Variants in AGBL1 observed in about 807,000 individuals in gnomAD.
The protein encoded by AGBL1 is AGBL carboxypeptidase 1.
Under a neutral mutation model 118.9 loss-of-function variants are expected in AGBL1, and 130 were observed. The ratio of observed to expected loss-of-function variants is 1.09; its 90% CI spans 0.95 to 1.26. The LOEUF (loss-of-function observed/expected upper bound fraction) is 1.26, where lower values mean the gene tolerates loss of function less well. Among genes scored for constraint, AGBL1 ranks in the 50% most tolerant of loss-of-function variants. The probability of loss-of-function intolerance (pLI) is 0.00; values close to 1 mark genes in which losing one functional copy is unlikely to be tolerated. For missense variants in AGBL1, 1,584 were observed against 1,298.1 expected, an observed-to-expected ratio of 1.22 and a Z score of -3.38; for synonymous variants, 555 against 478.9, an observed-to-expected ratio of 1.16 and a Z score of -2.08.
intron 1 of AGBL1, among the ~76,000 whole-genome samples, chr15:86,113,451 C>G (rs186012570): frequency 6.6e-6 from 1 of 151,680 alleles, no homozygotes; most frequent in African/African-American, 2.4e-5. Context: ...CCATGCCCGG[C>G]TCTTTTGTAT....
rs755715178 is a variant in AGBL1 at position 86,912,072 on chromosome 15, T to C, written c.*4778T>C. ...CAAACTCAGACATCCAATGTTTCAA[T>C]GAAATCTCACTTATTTTCCTTAAAT... is the stretch of plus-strand genomic sequence containing the variant. On this transcript the variant is annotated 3_prime_UTR_variant, in exon 23 of 23. Transcript: ENST00000614907. 1.3e-5 allele frequency: 2 copies of C among 152,194 alleles called. No homozygotes were observed. Among genetic ancestry groups the C allele is most frequent in the Non-Finnish European group, 2.9e-5 (2 of 68,040 alleles). 9.4% of individuals were successfully genotyped at this position (152,194 alleles called of 1,614,324 possible). A position where few individuals can be genotyped will look rare whatever the true frequency, so the allele number is the denominator to read the frequency against.
chr15:86,434,088 G>C (rs773411961), intron 18 of AGBL1, among the ~76,000 whole-genome samples: 3 of 152,136 alleles, frequency 2.0e-5, no homozygotes, highest in African/African-American at 7.2e-5. Flanking sequence ...TGAAATATTC[G>C]ATCATTCACT....
chr15:86,225,031 T>A, intron 6 of AGBL1, 80 bp downstream of exon 6: 1 of 1,381,148 alleles, frequency 7.2e-7, no homozygotes, highest in Admixed American at 2.3e-5. Context: ...CCATGGCTGT[T>A]TCTTTTTTTT....
At chr15:86,611,094 ACTTGTAT>A (rs1402779325) in intron 21 of AGBL1, among the ~76,000 whole-genome samples, 4 of 152,206 alleles carry the variant, frequency 2.6e-5, no homozygotes, top group African/African-American at 9.7e-5. Context: ...ATTGAACAGG[ACTTGTAT>A]CTTGTATCTG....
chr15:86,659,558 C>A (rs1251738272), intron 21 of AGBL1, among the ~76,000 whole-genome samples: 3 of 152,142 alleles, frequency 2.0e-5, no homozygotes, highest in Admixed American at 1.3e-4. Context: ...TGCTACCCGC[C>A]ACGGCGTCTT....
intron 18 of AGBL1, among the ~76,000 whole-genome samples, chr15:86,483,552 T>TG (rs1318584861): frequency 6.6e-6 from 1 of 152,062 alleles, no homozygotes; most frequent in Non-Finnish European, 1.5e-5. Context: ...ACCAAGAGGG[T>TG]GTCCCTTCAG....
chr15:86,981,792 A>G (rs1452565115), intron 23 of AGBL1, among the ~76,000 whole-genome samples: 1 of 152,178 alleles, frequency 6.6e-6, no homozygotes. Context: ...GGGACAAAAC[A>G]GGAAAACAGG....
Position 86,986,868 on chromosome 15 carries a change from T to A in AGBL1, c.3222-1119T>A, listed in dbSNP as rs377225764. Reference sequence around the variant, plus strand: ...TGTGAGCAAGGCTGTTTATTTCACCTGGGTTCAGGCGGGCTGAGTCTGAAA... The same window carrying A: ...TGTGAGCAAGGCTGTTTATTTCACCAGGGTTCAGGCGGGCTGAGTCTGAAA... On this transcript the variant is annotated intron_variant, in intron 23 of 24. Coordinates refer to the AGBL1 transcript ENST00000441037. Among the ~76,000 whole-genome samples the A allele has an allele frequency of 5.9e-5, 9 of 152,208 alleles. No individual in the cohort carries two copies. The East Asian group carries it at 1.7e-3, about 29-fold the overall frequency.
At chr15:86,789,963 T>A (rs564190932) in intron 22 of AGBL1, among the ~76,000 whole-genome samples, 2 of 152,292 alleles carry the variant, frequency 1.3e-5, no homozygotes, top group Non-Finnish European at 1.5e-5. Flanking sequence ...ATATACACTG[T>A]CATCCTTGAT....
chr15:86,194,232 C>A (rs2077765139), intron 5 of AGBL1, among the ~76,000 whole-genome samples: 1 of 152,174 alleles, frequency 6.6e-6, no homozygotes, highest in African/African-American at 2.4e-5. Context: ...TTTTCAAAAA[C>A]CTCTCTCCTC....
chr15:86,894,039 C>A (rs1236726674), intron 22 of AGBL1, among the ~76,000 whole-genome samples: 1 of 152,102 alleles, frequency 6.6e-6, no homozygotes, highest in Admixed American at 6.6e-5. Context: ...TTATATTTTG[C>A]CCCTACACCA....
chr15:86,662,452 T>TCCAA (rs2085561803), intron 21 of AGBL1, among the ~76,000 whole-genome samples: 1 of 152,236 alleles, frequency 6.6e-6, no homozygotes, highest in African/African-American at 2.4e-5. Flanking sequence ...GGACAGAAAG[T>TCCAA]TGGGATTTAG....
chr15:86,132,106 G>A (rs956376768), intron 1 of AGBL1, among the ~76,000 whole-genome samples: 1 of 152,180 alleles, frequency 6.6e-6, no homozygotes, highest in Non-Finnish European at 1.5e-5. Flanking sequence ...GAGTACCCGA[G>A]TAGCGGAGTA....
intron 17 of AGBL1, among the ~76,000 whole-genome samples, chr15:86,369,977 T>A (rs2080948182): frequency 6.6e-6 from 1 of 152,116 alleles, no homozygotes; most frequent in Non-Finnish European, 1.5e-5. Flanking sequence ...ATATTCCGGG[T>A]CACAGAAGAA....
At chr15:86,271,043 A>AGTTTTT (rs1400470527) in intron 14 of AGBL1, among the ~76,000 whole-genome samples, 1 of 89,062 alleles carries the variant, frequency 1.1e-5, no homozygotes, top group Non-Finnish European at 2.0e-5. Context: ...GTCACGTTGC[A>AGTTTTT]TTTTTTTTTT....
At chr15:86,878,525 C>G (rs761214281) in intron 22 of AGBL1, among the ~76,000 whole-genome samples, 2 of 152,154 alleles carry the variant, frequency 1.3e-5, no homozygotes, top group Non-Finnish European at 2.9e-5. Context: ...CTCGGTACTT[C>G]TATTTTCCTC....
chr15:86,423,720 C>G (rs1191343316), intron 18 of AGBL1, among the ~76,000 whole-genome samples: 2 of 152,136 alleles, frequency 1.3e-5, no homozygotes, highest in Non-Finnish European at 2.9e-5. Flanking sequence ...GTGAAAATCA[C>G]AAACATTCCT....
At chr15:86,152,114 A>T (rs547032457) in intron 3 of AGBL1, among the ~76,000 whole-genome samples, 132 of 152,338 alleles carry the variant, frequency 8.7e-4, no homozygotes, top group African/African-American at 3.0e-3. Flanking sequence ...TATAGATTCA[A>T]TGCCATCCCC....
At chr15:86,793,579 T>A (rs1193683914) in intron 22 of AGBL1, among the ~76,000 whole-genome samples, 1 of 152,190 alleles carries the variant, frequency 6.6e-6, no homozygotes, top group Non-Finnish European at 1.5e-5. Flanking sequence ...TAAAATATGA[T>A]AGCAGAAGCA....
Sources: gnomAD v4.1 joint callset for allele counts (sites outside exome capture counted in the v4.1 genomes callset) on GRCh38, gnomAD v4.1.1 for gene constraint, MANE v1.5 for transcripts, NCBI Gene and HGNC (gene_info 2026-07-23, HGNC 2026-07-21) for gene names.